DSE: variants seen among roughly 807,000 people sequenced by gnomAD.
DSE encodes dermatan sulfate epimerase, also known as dermatan-sulfate epimerase.
Under a neutral mutation model 84.4 loss-of-function variants are expected in DSE, and 36 were observed. The observed-to-expected ratio is 0.43, with a 90% confidence interval of 0.33 to 0.56. DSE has a LOEUF of 0.56. Ranked by LOEUF, DSE falls within the 20% of genes least tolerant of loss-of-function variation. The pLI, the probability that DSE is intolerant of heterozygous loss-of-function variation, is 0.06. For synonymous variants in DSE, 410 were observed against 430.1 expected, an observed-to-expected ratio of 0.95 and a Z score of 0.58; for missense variants, 862 against 1,169.6, an observed-to-expected ratio of 0.74 and a Z score of 3.84.
At chr6:116,346,162 A>G (rs1399746882) in intron 2 of DSE, among the ~76,000 whole-genome samples, 4 of 152,176 alleles carry the variant, frequency 2.6e-5, no homozygotes, top group Non-Finnish European at 5.9e-5. Context: ...AGGACCAGAC[A>G]GATTCACAGC....
At chr6:116,429,585 C>CAT (rs147623644) in intron 3 of DSE, among the ~76,000 whole-genome samples, 1,970 of 152,072 alleles carry the variant, frequency 0.013, 44 homozygotes, top group African/African-American at 0.044. Flanking sequence ...GGCAATGATA[C>CAT]ATAATTGGGT....
At chr6:116,411,913 G>A (rs1782395426) in intron 2 of DSE, among the ~76,000 whole-genome samples, 1 of 152,178 alleles carries the variant, frequency 6.6e-6, no homozygotes, top group Non-Finnish European at 1.5e-5. Flanking sequence ...AGTAACTCTA[G>A]ATCTAAAACT....
chr6:116,376,482 G>T (rs1302806328), intron 1 of DSE, among the ~76,000 whole-genome samples: 1 of 152,200 alleles, frequency 6.6e-6, no homozygotes, highest in African/African-American at 2.4e-5. Flanking sequence ...TTTTAATTTG[G>T]AAAGAGAAGA....
rs1372702333 is a variant in DSE at position 116,438,294 on chromosome 6, C to A, written c.*949C>A. 6.6e-6 allele frequency: 1 copy of A among 152,344 alleles called. No individual in the cohort carries two copies. 9.4% of individuals were successfully genotyped at this position (152,344 alleles called of 1,614,324 possible). A position where few individuals can be genotyped will look rare whatever the true frequency, so the allele number is the denominator to read the frequency against. On this transcript the variant is annotated 3_prime_UTR_variant, in exon 6 of 6. Transcript: ENST00000644252. ...ATAATTGTGAATTTTCTCTAGTATT[C>A]TTCTTCTTTGTTCCATTATATTCAA... is the stretch of plus-strand genomic sequence containing the variant.
At chr6:116,343,160 G>A (rs570129665) in intron 2 of DSE, among the ~76,000 whole-genome samples, 3 of 152,316 alleles carry the variant, frequency 2.0e-5, no homozygotes, top group African/African-American at 7.2e-5. Flanking sequence ...CTCAAACTGG[G>A]CAGAGCCCAC....
At chr6:116,329,968 C>T (rs1210374080) in intron 2 of DSE, among the ~76,000 whole-genome samples, 10 of 152,138 alleles carry the variant, frequency 6.6e-5, no homozygotes, top group South Asian at 2.1e-4. Flanking sequence ...GGATTACAGG[C>T]GCCTACCATC....
At chr6:116,397,771 T>C (rs1275595378) in intron 1 of DSE, among the ~76,000 whole-genome samples, 1 of 152,258 alleles carries the variant, frequency 6.6e-6, no homozygotes, top group African/African-American at 2.4e-5. Context: ...TATATTAATT[T>C]TTTATTCATC....
Position 116,444,726 on chromosome 6 carries a change from T to A in DSE, c.*7381T>A, listed in dbSNP as rs1784532644. 1 of 152,278 alleles carries A rather than the reference T, an allele frequency of 6.6e-6. No homozygotes were observed. The highest frequency in any genetic ancestry group is 2.4e-5 in the African/African-American group (1 of 41,538). 9.4% of individuals were successfully genotyped at this position (152,278 alleles called of 1,614,324 possible). A position where few individuals can be genotyped will look rare whatever the true frequency, so the allele number is the denominator to read the frequency against. ...GAGGTCCCTTGTCCCTTCCAACATGTGAGGCTACAGTGAAAAGATGGCCAT... is the reference window on the plus strand; with the variant it reads ...GAGGTCCCTTGTCCCTTCCAACATGAGAGGCTACAGTGAAAAGATGGCCAT... On this transcript the variant is annotated 3_prime_UTR_variant, in exon 6 of 6. Transcript: ENST00000644252.
At chr6:116,402,933 G>T (rs1330590441) in intron 2 of DSE, among the ~76,000 whole-genome samples, 2 of 152,162 alleles carry the variant, frequency 1.3e-5, no homozygotes, top group Non-Finnish European at 2.9e-5. Context: ...AGTAAATAAA[G>T]AGGTTAAAGT....
rs1170849447 is a variant in DSE, at chr6:116,443,411, G to T, written c.*6066G>T. The stretch of plus-strand genomic sequence containing the variant: ...TTTCTGCCATTTGTGTTTTCAGCTT[G>T]CCTTGTTCAGGGACTTCACATAGAA... On this transcript the variant is annotated 3_prime_UTR_variant, in exon 6 of 6. Coordinates refer to ENST00000644252, the MANE Select transcript of DSE (RefSeq NM_013352.4). 2 of 152,228 alleles carry T rather than the reference G, an allele frequency of 1.3e-5. No individual in the cohort carries two copies. The highest frequency in any genetic ancestry group is 4.8e-5 in the African/African-American group (2 of 41,438). The allele number at this position is 152,228 out of a possible 1,614,324, so 9.4% of individuals were successfully genotyped here.
At chr6:116,255,543 G>A (rs1035517584) in intron 1 of DSE, 6 of 152,224 alleles carry the variant, frequency 3.9e-5, no homozygotes, top group African/African-American at 1.4e-4. Context: ...TCACACAGCA[G>A]AGAGCAATTA....
chr6:116,362,160 G>T (rs1157887590), intron 2 of DSE, among the ~76,000 whole-genome samples: 1 of 152,184 alleles, frequency 6.6e-6, no homozygotes, highest in East Asian at 1.9e-4. Context: ...GGTATCAAAG[G>T]TTTATAAATT....
chr6:116,267,017 A>G (rs1466934457), intron 2 of DSE, among the ~76,000 whole-genome samples: 2 of 152,222 alleles, frequency 1.3e-5, no homozygotes, highest in African/African-American at 4.8e-5. Context: ...AGGTCATAGT[A>G]TAACTCATTA....
intron 2 of DSE, among the ~76,000 whole-genome samples, chr6:116,332,814 C>T (rs1282141959): frequency 2.0e-5 from 3 of 152,032 alleles, no homozygotes; most frequent in Admixed American, 6.6e-5. Flanking sequence ...GTATAAAGTA[C>T]ATCTACAAAG....
At chr6:116,418,282 T>C (rs1177371256) in intron 2 of DSE, among the ~76,000 whole-genome samples, 1 of 152,138 alleles carries the variant, frequency 6.6e-6, no homozygotes, top group African/African-American at 2.4e-5. Context: ...TTGTTAGTGT[T>C]TACTCTTCAT....
At chr6:116,420,851 T>C (rs1313925590) in intron 2 of DSE, among the ~76,000 whole-genome samples, 1 of 152,188 alleles carries the variant, frequency 6.6e-6, no homozygotes, top group Non-Finnish European at 1.5e-5. Flanking sequence ...GTTTTTAGGG[T>C]TCCTTTTAAT....
chr6:116,357,495 G>A (rs898756465), intron 2 of DSE, among the ~76,000 whole-genome samples: 7 of 150,932 alleles, frequency 4.6e-5, no homozygotes, highest in Non-Finnish European at 8.8e-5. Context: ...CCGCGCCACT[G>A]CACTCCAGCC....
chr6:116,370,006 GGGGCAAA>G (rs1260081326), upstream of DSE: 6 of 1,233,908 alleles, frequency 4.9e-6, no homozygotes, highest in Middle Eastern at 2.2e-4. Context: ...GGAGGTGGAA[GGGGCAAA>G]GTATTCCTGA....
At chr6:116,279,620 GTA>G (rs1773374265) in intron 2 of DSE, 1 of 1,602,992 alleles carries the variant, frequency 6.2e-7, no homozygotes. Flanking sequence ...GCATCCTGGG[GTA>G]CGCCCCCCTC....
Sources: gnomAD v4.1 joint callset for allele counts (sites outside exome capture counted in the v4.1 genomes callset) on GRCh38, gnomAD v4.1.1 for gene constraint, MANE v1.5 for transcripts, NCBI Gene and HGNC (gene_info 2026-07-23, HGNC 2026-07-21) for gene names.